Variants in PRKN observed in about 807,000 individuals in gnomAD.
The protein encoded by PRKN is E3 ubiquitin-protein ligase parkin.
Under a neutral mutation model 59.5 loss-of-function variants are expected in PRKN, and 56 were observed. The observed-to-expected ratio is 0.94, with a 90% CI of 0.76 to 1.18. PRKN has a LOEUF of 1.18. PRKN is among the 50% of genes most tolerant of loss of function. The pLI is 0.00. For missense variants in PRKN, 657 were observed against 596.4 expected (o/e 1.10, Z -1.06); for synonymous variants, 250 against 222.1 (o/e 1.13, Z -1.12).
At chr6:162,557,540 G>A (rs1330919051) in intron 1 of PRKN, among the ~76,000 whole-genome samples, 1 of 152,088 alleles carries the variant, frequency 6.6e-6, no homozygotes, top group East Asian at 1.9e-4. Flanking sequence ...TTGAGATAGA[G>A]TCTTGCTCTG....
At chr6:162,346,288 C>A (rs1784400616) in intron 2 of PRKN, among the ~76,000 whole-genome samples, 1 of 151,862 alleles carries the variant, frequency 6.6e-6, no homozygotes, top group Non-Finnish European at 1.5e-5. Context: ...GCCGTATTTT[C>A]CACAGTTTTT....
At chr6:162,626,312 G>A (rs978979391) in intron 1 of PRKN, among the ~76,000 whole-genome samples, 8 of 152,112 alleles carry the variant, frequency 5.3e-5, no homozygotes, top group African/African-American at 1.9e-4. Flanking sequence ...GAGAATGACT[G>A]TGCTATATTT....
rs78523238 is a variant in PRKN, at chr6:161,483,223, G to A, written c.1083+65631C>T. Among the ~76,000 whole-genome samples, 1 of 150,966 alleles carries A rather than the reference G, an allele frequency of 6.6e-6. No homozygotes were observed. Among genetic ancestry groups the A allele is most frequent in the African/African-American group, 2.4e-5 (1 of 41,112 alleles). ...TTGTTAATGAGACTTCGCCAGAGAT[G>A]CTTAGAGTTAGGTGAAATAGAGATA... On this transcript the variant is annotated intron_variant, in intron 9 of 11. Transcript: ENST00000366898. This position sits in a 1 kb window ranked among gnomAD's most constrained non-coding sequence, Gnocchi z 5.0.
rs1554321772 is a variant in PRKN at position 162,430,155 on chromosome 6, C to CGAT, written c.171+13152_171+13154dup. ...GGATGCAGCACTTTGATGATGATGA[C>CGAT]GATGACGACGACGACGACGATGATG... On this transcript the variant is annotated intron_variant, in intron 2 of 11. Transcript: ENST00000366898. 2.5e-3 allele frequency among the ~76,000 whole-genome samples: 315 copies of CGAT among 126,402 alleles called. 1 individual carries two copies. Among genetic ancestry groups the CGAT allele is most frequent in the African/African-American group, 9.4e-3 (299 of 31,718 alleles). 82.9% of individuals were successfully genotyped at this position (126,402 alleles called of 152,430 possible).
intron 1 of PRKN, among the ~76,000 whole-genome samples, chr6:162,646,688 ATAGAGTGCACTT>A (rs1778200063): frequency 6.6e-6 from 1 of 152,150 alleles, no homozygotes; most frequent in African/African-American, 2.4e-5. Context: ...TGAGTACGTT[ATAGAGTGCACTT>A]GCACAGACCC....
At chr6:162,434,461 C>T (rs994251473) in intron 2 of PRKN, among the ~76,000 whole-genome samples, 17 of 151,984 alleles carry the variant, frequency 1.1e-4, no homozygotes, top group Non-Finnish European at 1.8e-4. Context: ...ACTTCTGCTG[C>T]TAAATTGTTT....
chr6:161,869,239 C>T (rs1794244221), intron 6 of PRKN, among the ~76,000 whole-genome samples: 1 of 152,128 alleles, frequency 6.6e-6, no homozygotes, highest in South Asian at 2.1e-4. Flanking sequence ...ATCAGTTGAG[C>T]GTGGTGGCGT....
intron 4 of PRKN, among the ~76,000 whole-genome samples, chr6:162,098,679 TA>T (rs1779844836): frequency 6.6e-6 from 1 of 152,260 alleles, no homozygotes; most frequent in Admixed American, 6.5e-5. Flanking sequence ...ACTCTTAATC[TA>T]AAATTTCTAC....
rs548848807 is a variant in PRKN, at chr6:162,517,409, G to A, written c.8-73936C>T. Among the ~76,000 whole-genome samples, 84 of 150,006 alleles carry A rather than the reference G, an allele frequency of 5.6e-4. 1 individual carries two copies. In the South Asian group the frequency reaches 9.6e-3, roughly 17 times the overall value. On this transcript the variant is annotated intron_variant, in intron 1 of 11. Transcript: ENST00000366898. ...ACTACAGGCACCCGCCACCAGGCCCGACTAATTTGTTTTTTTTTTTGTATT... is the reference window on the plus strand; with the variant it reads ...ACTACAGGCACCCGCCACCAGGCCCAACTAATTTGTTTTTTTTTTTGTATT...
intron 1 of PRKN, among the ~76,000 whole-genome samples, chr6:162,452,631 C>T (rs1290501167): frequency 1.3e-5 from 2 of 151,434 alleles, no homozygotes; most frequent in Non-Finnish European, 2.9e-5. Context: ...TAATGGAATT[C>T]CAAAAAATAT....
In PRKN at chr6:161,538,788, G is replaced by C. The variant is rs1299427709; in HGVS notation, c.1083+10066C>G. Reference sequence around the variant, plus strand: ...CTATTACCTCCCAGGAGCTTGTAGAGAGATTTGATTGAATAACTGATCGAC... The same window carrying C: ...CTATTACCTCCCAGGAGCTTGTAGACAGATTTGATTGAATAACTGATCGAC... On this transcript the variant is annotated intron_variant, in intron 9 of 11. Transcript: ENST00000366898. This position sits in a 1 kb window ranked among gnomAD's most constrained non-coding sequence, Gnocchi z 4.2. 6.6e-6 allele frequency among the ~76,000 whole-genome samples: 1 copy of C among 152,216 alleles called. No homozygotes were observed. The highest frequency in any genetic ancestry group is 1.5e-5 in the Non-Finnish European group (1 of 68,038).
In PRKN at chr6:161,445,216, C is replaced by T. The variant is rs1185559457; in HGVS notation, c.1084-58339G>A. On this transcript the variant is annotated intron_variant, in intron 9 of 11. Transcript: ENST00000366898. This position sits in a 1 kb window ranked among gnomAD's most constrained non-coding sequence, Gnocchi z 7.7. Reference sequence around the variant, plus strand: ...CAGACAGGAACGGGGAGAGGGGGCTCAACTTTCTGACGGCCACTTAGAGGC... The same window carrying T: ...CAGACAGGAACGGGGAGAGGGGGCTTAACTTTCTGACGGCCACTTAGAGGC... Among the ~76,000 whole-genome samples, 4 of 152,148 alleles carry T rather than the reference C, an allele frequency of 2.6e-5. No individual in the cohort carries two copies. The highest frequency in any genetic ancestry group is 4.4e-5 in the Non-Finnish European group (3 of 68,042).
rs1324496616 is a variant in PRKN at position 162,346,682 on chromosome 6, T to C, written c.172-83917A>G. Among the ~76,000 whole-genome samples the C allele has an allele frequency of 1.3e-5, 2 of 152,162 alleles. 1 individual carries two copies. Among genetic ancestry groups the C allele is most frequent in the Non-Finnish European group, 2.9e-5 (2 of 68,034 alleles). On this transcript the variant is annotated intron_variant, in intron 2 of 11. Coordinates refer to ENST00000366898, the MANE Select transcript of PRKN (RefSeq NM_004562.3). ...CTCTATTTCTAGTTTGATACGTTTTTAACCATGACTGCATGAGAAATTTTT... is the reference window on the plus strand; with the variant it reads ...CTCTATTTCTAGTTTGATACGTTTTCAACCATGACTGCATGAGAAATTTTT...
At chr6:162,446,051 G>A (rs1397446042) in intron 1 of PRKN, among the ~76,000 whole-genome samples, 6 of 152,238 alleles carry the variant, frequency 3.9e-5, no homozygotes, top group South Asian at 4.1e-4. Flanking sequence ...TACTAATTAC[G>A]GAGGAAAAGG....
At chr6:161,374,610 GTGTA>G (rs1562403729) in intron 10 of PRKN, among the ~76,000 whole-genome samples, 3 of 4,516 alleles carry the variant, frequency 6.6e-4, no homozygotes, top group Non-Finnish European at 9.3e-4. Flanking sequence ...GTGTGTATGT[GTGTA>G]TGTGTGTGGC....
intron 7 of PRKN, among the ~76,000 whole-genome samples, chr6:161,749,688 G>A (rs574965545): frequency 1.2e-4 from 19 of 152,114 alleles, no homozygotes; most frequent in Non-Finnish European, 2.8e-4. Context: ...TGGGGAAGCT[G>A]TAGTGGGGAG....
rs113934945 is a variant in PRKN, at chr6:162,284,503, C to A, written c.172-21738G>T. Among the ~76,000 whole-genome samples, 10 of 152,156 alleles carry A rather than the reference C, an allele frequency of 6.6e-5. No homozygotes were observed. In the South Asian group the frequency reaches 2.1e-3, roughly 32 times the overall value. ...TCTCCCAAAGTGCTGGGATTACAGG[C>A]GTGAGCCACCGCACCCGGCCATATT... On this transcript the variant is annotated intron_variant, in intron 2 of 11. Coordinates refer to ENST00000366898, the MANE Select transcript of PRKN (RefSeq NM_004562.3).
intron 6 of PRKN, among the ~76,000 whole-genome samples, chr6:161,953,200 C>A (rs568199071): frequency 6.6e-6 from 1 of 152,288 alleles, no homozygotes; most frequent in South Asian, 2.1e-4. Flanking sequence ...CAACCTCCAC[C>A]TCCCGGGTTC....
intron 9 of PRKN, among the ~76,000 whole-genome samples, chr6:161,534,481 T>G (rs1421045183): frequency 2.6e-5 from 4 of 152,192 alleles, no homozygotes; most frequent in Admixed American, 1.3e-4. Flanking sequence ...CAGCTCCACG[T>G]GTGGGCAAGT....
Sources: gnomAD v4.1 joint callset for allele counts (sites outside exome capture counted in the v4.1 genomes callset) on GRCh38, gnomAD v4.1.1 for gene constraint, Gnocchi (gnomAD v3.1) non-coding constraint, MANE v1.5 for transcripts, NCBI Gene and HGNC (gene_info 2026-07-23, HGNC 2026-07-21) for gene names.